The following ZNF75A variants were observed in gnomAD, a reference collection of about 807,000 sequenced individuals.
The protein encoded by ZNF75A is zinc finger protein 75A.
A neutral mutation model predicts 46.3 loss-of-function variants in ZNF75A; 36 were observed. That is an observed-to-expected ratio of 0.78 (90% CI 0.60 to 1.03). The LOEUF is 1.03. ZNF75A is among the 50% of genes least tolerant of loss of function. The pLI, the probability that ZNF75A is intolerant of heterozygous loss-of-function variation, is 0.00. For missense variants in ZNF75A, 595 were observed against 551.3 expected (o/e 1.08, Z -0.79); for synonymous variants, 234 against 189.9 (o/e 1.23, Z -1.91).
At chr16:3,313,251 T>TGTC in intron 5 of ZNF75A, 76 bp downstream of exon 5, 1 of 1,476,062 alleles carries the variant, frequency 6.8e-7, no homozygotes. Context: ...CAGTGAGGGG[T>TGTC]GTCTTACTGT....
intron 2 of ZNF75A, chr16:3,309,084 G>A (rs1960509279): frequency 6.5e-6 from 1 of 154,576 alleles, no homozygotes; most frequent in Non-Finnish European, 1.4e-5. Flanking sequence ...GAGCCAGGGT[G>A]AATTGAGGGT....
Position 3,317,944 on chromosome 16 carries a change from A to G in ZNF75A, c.*75A>G. On this transcript the variant is annotated 3_prime_UTR_variant, in exon 7 of 7. Transcript: ENST00000669516. ...CTTGGCACTAAAATTTATGTAAAAG[A>G]AAAATCACAAACCTTGAAAAATTTT... The G allele has an allele frequency of 2.0e-6, 3 of 1,496,338 alleles. No homozygotes were observed. Among genetic ancestry groups the G allele is most frequent in the East Asian group, 2.3e-5 (1 of 43,590 alleles). The allele number at this position is 1,496,338 out of a possible 1,614,324, so 92.7% of individuals were successfully genotyped here.
chr16:3,311,031 C>A, intron 2 of ZNF75A: 1 of 777,080 alleles, frequency 1.3e-6, no homozygotes, highest in Non-Finnish European at 1.6e-6. Flanking sequence ...ATCAGGCTGA[C>A]AGGAAAACTT....
downstream of ZNF75A, among the ~76,000 whole-genome samples, chr16:3,320,411 G>A (rs1961486242): frequency 1.3e-5 from 2 of 152,272 alleles, no homozygotes; most frequent in Non-Finnish European, 1.5e-5. Flanking sequence ...CTGGAGCTCT[G>A]GACCTTTCCA....
chr16:3,313,104 T>G lies in ZNF75A; in HGVS notation c.752T>G (p.Leu251Ter), dbSNP rs1285804753. The G allele has an allele frequency of 6.2e-7, 1 of 1,613,546 alleles. No homozygotes were observed. The highest frequency in any genetic ancestry group is 8.5e-7 in the Non-Finnish European group (1 of 1,179,606). Residue 251 changes from leucine (L) to a stop codon, truncating the protein, a stop_gained, in exon 5 of 7, where the codon TTA (leucine) becomes TGA (stop). Coordinates refer to ENST00000669516, the MANE Select transcript of ZNF75A (RefSeq NM_001302109.2). LOFTEE classifies it high-confidence loss of function. ...AMYFSQEEWE[L>*]LDPTQKALYN... ...TATTTTTCCCAGGAAGAATGGGAGT[T>G]ATTGGATCCCACTCAGAAGGCCCTC...
At chr16:3,312,615 A>C (rs532809501) in intron 3 of ZNF75A, 62 bp from the exon 4 acceptor site, 4 of 782,484 alleles carry the variant, frequency 5.1e-6, no homozygotes, top group African/African-American at 1.9e-5. Flanking sequence ...TCAGTGTTTT[A>C]GAAATGAGCT....
At chr16:3,320,001 C>G (rs1288847455), downstream of ZNF75A, among the ~76,000 whole-genome samples, 3 of 152,050 alleles carry the variant, frequency 2.0e-5, no homozygotes, top group African/African-American at 7.2e-5. Context: ...TCTGTTAAAT[C>G]ACTGAGACAT....
chr16:3,312,231 A>T (rs1026675703), intron 3 of ZNF75A: 2 of 152,268 alleles, frequency 1.3e-5, no homozygotes, highest in African/African-American at 4.8e-5. Flanking sequence ...ATGGAGTGGG[A>T]AGGCTTGGGG....
chr16:3,317,981 T>G lies in ZNF75A; in HGVS notation c.*112T>G. ...CCTTGAAAAATTTTACATCAGAAAA[T>G]GGGATAAACATACATTTCACAGAAA... On this transcript the variant is annotated 3_prime_UTR_variant, in exon 7 of 7. Coordinates refer to ENST00000669516, the MANE Select transcript of ZNF75A (RefSeq NM_001302109.2). 6.9e-7 allele frequency: 1 copy of G among 1,448,316 alleles called. No homozygotes were observed. Among genetic ancestry groups the G allele is most frequent in the Non-Finnish European group, 9.0e-7 (1 of 1,107,270 alleles). 89.7% of individuals were successfully genotyped at this position (1,448,316 alleles called of 1,614,324 possible).
downstream of ZNF75A, among the ~76,000 whole-genome samples, chr16:3,320,651 C>A (rs899022933): frequency 6.6e-6 from 1 of 152,290 alleles, no homozygotes; most frequent in African/African-American, 2.4e-5. Context: ...CTTTGTCTCC[C>A]TGCGCGTTGC....
In ZNF75A at chr16:3,318,063, CATT is replaced by C; in HGVS notation, c.*195_*197del. 1 of 1,381,266 alleles carries C rather than the reference CATT, an allele frequency of 7.2e-7. No homozygotes were observed. The allele number at this position is 1,381,266 out of a possible 1,614,324, so 85.6% of individuals were successfully genotyped here. A position where few individuals can be genotyped will look rare whatever the true frequency, so the allele number is the denominator to read the frequency against. ...AGTCTTCTGTGGTCACAGAAGTAAA[CATT>C]GTTGGCTTTGTATTGATCTCTCCAG... On this transcript the variant is annotated 3_prime_UTR_variant, in exon 7 of 7. Coordinates refer to ENST00000669516, the MANE Select transcript of ZNF75A (RefSeq NM_001302109.2).
chr16:3,321,825 C>A (rs186463518), downstream of ZNF75A, among the ~76,000 whole-genome samples: 3 of 152,286 alleles, frequency 2.0e-5, no homozygotes, highest in East Asian at 5.8e-4. Context: ...CAAAGTAAAT[C>A]TCAAAACTAA....
chr16:3,313,718 T>C (rs1343517065), intron 5 of ZNF75A, among the ~76,000 whole-genome samples: 2 of 152,214 alleles, frequency 1.3e-5, no homozygotes, highest in African/African-American at 2.4e-5. Context: ...AGAAGCTAGA[T>C]TGATCTTTTA....
chr16:3,314,066 TA>T (rs1323676289), intron 5 of ZNF75A, among the ~76,000 whole-genome samples: 1 of 152,078 alleles, frequency 6.6e-6, no homozygotes, highest in African/African-American at 2.4e-5. Context: ...AAAAACGCTA[TA>T]TATATATATC....
Position 3,317,779 on chromosome 16 carries a change from C to T in ZNF75A, c.1524C>T (p.His508=), listed in dbSNP as rs767419986. The T allele has an allele frequency of 6.2e-7, 1 of 1,614,054 alleles. No homozygotes were observed. Among genetic ancestry groups the T allele is most frequent in the Non-Finnish European group, 8.5e-7 (1 of 1,180,034 alleles). Residue 508 remains histidine, a synonymous_variant, in exon 7 of 7, where the codon CAC becomes CAT. Transcript: ENST00000669516. ...ACCTTATTAAACACCGGAGAACCCA[C>T]ACAGGTGAGCAGCCATATACTTGTA... ...NSHLIKHRRT[H]TGEQPYTCSI... is the part of the protein sequence containing the mutation.
At chr16:3,308,220 A>G (rs1960434847) in intron 1 of ZNF75A, 93 bp from the exon 2 acceptor site, 2 of 164,174 alleles carry the variant, frequency 1.2e-5, no homozygotes, top group Admixed American at 1.3e-4. Context: ...AAGACAGGAC[A>G]CCTTTTCTGT....
downstream of ZNF75A, chr16:3,318,968 A>C (rs998771992): frequency 2.1e-6 from 1 of 476,342 alleles, no homozygotes; most frequent in African/African-American, 2.1e-5. Context: ...TCAGGTGATA[A>C]ATTTGATGGA....
chr16:3,319,806 T>TA (rs1961460479), downstream of ZNF75A, among the ~76,000 whole-genome samples: 1 of 151,296 alleles, frequency 6.6e-6, no homozygotes, highest in Non-Finnish European at 1.5e-5. Context: ...TATTTTTTTT[T>TA]TTATTTTTTT....
At chr16:3,314,794 T>C (rs1445921492) in intron 5 of ZNF75A, 1 of 985,312 alleles carries the variant, frequency 1.0e-6, no homozygotes, top group African/African-American at 1.7e-5. Context: ...TCAGGAAGAA[T>C]TGGAGTTACT....
Sources: gnomAD v4.1 joint callset for allele counts (sites outside exome capture counted in the v4.1 genomes callset) on GRCh38, gnomAD v4.1.1 for gene constraint, MANE v1.5 for transcripts, NCBI Gene and HGNC (gene_info 2026-07-23, HGNC 2026-07-21) for gene names.